NSMCE2: variants seen among roughly 807,000 people sequenced by gnomAD.
NSMCE2 encodes the protein NSE2 SUMO ligase component of SMC5/6 complex.
In NSMCE2, 24 loss-of-function variants were observed where a neutral mutation model predicts 23.8. The observed-to-expected ratio is 1.01, with a 90% CI of 0.73 to 1.42. The LOEUF (loss-of-function observed/expected upper bound fraction) is 1.42. Among genes scored for constraint, NSMCE2 ranks in the 40% most tolerant of loss-of-function variants. The pLI is 0.00. For missense variants in NSMCE2, 284 were observed against 296.5 expected (o/e 0.96, Z 0.31); for synonymous variants, 92 against 94.1 (o/e 0.98, Z 0.13).
At chr8:125,143,109 C>T (rs1163984829) in intron 3 of NSMCE2, among the ~76,000 whole-genome samples, 1 of 152,188 alleles carries the variant, frequency 6.6e-6, no homozygotes, top group Admixed American at 6.5e-5. Flanking sequence ...CACACACACA[C>T]ACACACACAC....
At chr8:125,243,680 C>T (rs2130988215) in intron 5 of NSMCE2, among the ~76,000 whole-genome samples, 1 of 152,194 alleles carries the variant, frequency 6.6e-6, no homozygotes, top group South Asian at 2.1e-4. Context: ...CTATAAAGAA[C>T]TATAAGCATC....
intron 5 of NSMCE2, chr8:125,270,647 G>A (rs1827141284): frequency 6.6e-6 from 1 of 152,320 alleles, no homozygotes; most frequent in Non-Finnish European, 1.5e-5. Context: ...CAACTCAGTA[G>A]GTTGAGATGG....
intron 5 of NSMCE2, among the ~76,000 whole-genome samples, chr8:125,299,471 C>A (rs1828463936): frequency 6.6e-6 from 1 of 152,018 alleles, no homozygotes; most frequent in South Asian, 2.1e-4. Context: ...GCGAGAACTG[C>A]CACACACTTT....
intron 5 of NSMCE2, among the ~76,000 whole-genome samples, chr8:125,296,972 T>C (rs1016221952): frequency 6.6e-6 from 1 of 152,232 alleles, no homozygotes; most frequent in Non-Finnish European, 1.5e-5. Context: ...ATAGAAAATA[T>C]AGAGTATACT....
intron 4 of NSMCE2, among the ~76,000 whole-genome samples, chr8:125,176,240 G>A (rs552175487): frequency 1.3e-5 from 2 of 152,300 alleles, no homozygotes; most frequent in African/African-American, 4.8e-5. Context: ...TTGCGCATAT[G>A]TCTGCTCTTG....
At chr8:125,224,174 T>C (rs1294557419) in intron 5 of NSMCE2, among the ~76,000 whole-genome samples, 3 of 152,326 alleles carry the variant, frequency 2.0e-5, no homozygotes, top group East Asian at 3.9e-4. Context: ...GTTTTCTTGC[T>C]ATTTAGTTGT....
At chr8:125,249,170 C>CA (rs757506151) in intron 5 of NSMCE2, among the ~76,000 whole-genome samples, 9,418 of 112,630 alleles carry the variant, frequency 0.084, 550 homozygotes, top group African/African-American at 0.19. Flanking sequence ...GACTCTGTCT[C>CA]AAAAAAAAAA....
At chr8:125,342,591 A>G (rs1205105882) in intron 5 of NSMCE2, among the ~76,000 whole-genome samples, 1 of 152,182 alleles carries the variant, frequency 6.6e-6, no homozygotes, top group African/African-American at 2.4e-5. Flanking sequence ...CTCTGCAGAA[A>G]TAAAGATTTT....
At chr8:125,119,796 TA>T (rs1176728069) in intron 3 of NSMCE2, among the ~76,000 whole-genome samples, 24 of 152,198 alleles carry the variant, frequency 1.6e-4, no homozygotes, top group African/African-American at 5.1e-4. Context: ...TTGATTATTC[TA>T]GAGAAGATTA....
intron 5 of NSMCE2, among the ~76,000 whole-genome samples, chr8:125,310,473 G>T (rs1308243263): frequency 6.6e-6 from 1 of 152,158 alleles, no homozygotes; most frequent in Non-Finnish European, 1.5e-5. Context: ...ATGTAAAAGA[G>T]AAATGTGTAA....
chr8:125,121,207 A>T (rs935980469), intron 3 of NSMCE2, among the ~76,000 whole-genome samples: 7 of 152,190 alleles, frequency 4.6e-5, no homozygotes, highest in African/African-American at 1.7e-4. Flanking sequence ...TCAGTAGATG[A>T]AGAAGGGAAA....
intron 5 of NSMCE2, among the ~76,000 whole-genome samples, chr8:125,206,040 A>G (rs142474035): frequency 2.2e-3 from 338 of 152,342 alleles, no homozygotes; most frequent in Non-Finnish European, 3.6e-3. Flanking sequence ...TTGGGAAACA[A>G]TCAAGAGCTT....
intron 7 of NSMCE2, among the ~76,000 whole-genome samples, chr8:125,359,016 C>T (rs1410549239): frequency 3.3e-5 from 5 of 151,956 alleles, no homozygotes; most frequent in African/African-American, 7.3e-5. Context: ...CCTGTAATTC[C>T]AGCACTTTGG....
chr8:125,271,973 G>A (rs1827214157), intron 5 of NSMCE2, among the ~76,000 whole-genome samples: 1 of 151,332 alleles, frequency 6.6e-6, no homozygotes, highest in Non-Finnish European at 1.5e-5. Context: ...AGGCTATTTA[G>A]CCTTACATTG....
intron 3 of NSMCE2, among the ~76,000 whole-genome samples, chr8:125,140,532 G>A (rs999405466): frequency 4.2e-4 from 64 of 152,156 alleles, no homozygotes; most frequent in African/African-American, 1.4e-3. Context: ...GCGTGGTAGT[G>A]GGTGCCTGTA....
intron 5 of NSMCE2, among the ~76,000 whole-genome samples, chr8:125,314,311 G>A (rs1026488404): frequency 2.1e-4 from 31 of 150,516 alleles, no homozygotes; most frequent in Non-Finnish European, 3.6e-4. Flanking sequence ...TTTTGAGACA[G>A]AATTTCACTC....
At chr8:125,336,357 A>AAACT (rs1420351704) in intron 5 of NSMCE2, among the ~76,000 whole-genome samples, 1 of 152,192 alleles carries the variant, frequency 6.6e-6, no homozygotes, top group Non-Finnish European at 1.5e-5. Flanking sequence ...ACAGATGGGG[A>AAACT]AACTAAGGCT....
intron 5 of NSMCE2, among the ~76,000 whole-genome samples, chr8:125,325,749 C>G (rs1009400375): frequency 2.0e-5 from 3 of 152,116 alleles, no homozygotes; most frequent in African/African-American, 4.8e-5. Flanking sequence ...GTCAGGAGTT[C>G]AAGACCAGCC....
At chr8:125,243,505 A>T (rs903829253) in intron 5 of NSMCE2, among the ~76,000 whole-genome samples, 1 of 152,182 alleles carries the variant, frequency 6.6e-6, no homozygotes, top group Admixed American at 6.5e-5. Flanking sequence ...ATTTTTTAAA[A>T]AAAAAAACCT....
Sources: gnomAD v4.1 joint callset for allele counts (sites outside exome capture counted in the v4.1 genomes callset) on GRCh38, gnomAD v4.1.1 for gene constraint, MANE v1.5 for transcripts, NCBI Gene and HGNC (gene_info 2026-07-23, HGNC 2026-07-21) for gene names.